DMD: variants seen among roughly 807,000 people sequenced by gnomAD.
DMD encodes the protein dystrophin, also known as mutant dystrophin.
A neutral mutation model predicts 330.1 loss-of-function variants in DMD; 63 were observed. That is an observed-to-expected ratio of 0.19 (90% confidence interval 0.16 to 0.24). The LOEUF (loss-of-function observed/expected upper bound fraction) is 0.24. DMD is among the 10% of genes least tolerant of loss of function. DMD has a pLI of 1.00. For synonymous variants in DMD, 1,223 were observed against 959.8 expected, an observed-to-expected ratio of 1.27 and a Z score of -5.07; for missense variants, 3,344 against 2,684.1, an observed-to-expected ratio of 1.25 and a Z score of -5.43.
At chrX:31,368,653 C>CT (rs776345514) in intron 60 of DMD, among the ~76,000 whole-genome samples, 5,273 of 106,094 alleles carry the variant, frequency 0.05, 105 homozygotes, top group Non-Finnish European at 0.063. Flanking sequence ...TCCCCCCGCC[C>CT]TTTTTTTTTT....
intron 1 of DMD, among the ~76,000 whole-genome samples, chrX:33,077,460 A>G (rs975098726): frequency 7.2e-5 from 8 of 111,188 alleles, no homozygotes; most frequent in African/African-American, 2.6e-4. Flanking sequence ...ACCCTAAGGT[A>G]TAGGCTATAA....
At chrX:32,312,235 G>T (rs2097565094) in intron 41 of DMD, among the ~76,000 whole-genome samples, 1 of 110,693 alleles carries the variant, frequency 9.0e-6, no homozygotes, top group Admixed American at 9.6e-5. Flanking sequence ...AAAAAATCTG[G>T]GTGGCCTTAA....
chrX:32,404,190 G>T (rs2098103883), intron 30 of DMD, among the ~76,000 whole-genome samples: 1 of 111,665 alleles, frequency 9.0e-6, no homozygotes, highest in East Asian at 2.8e-4. Context: ...TTCTTAAAGT[G>T]CATTTAACGT....
chrX:31,641,204 AAAAG>A (rs1282430354), intron 54 of DMD, among the ~76,000 whole-genome samples: 1 of 111,415 alleles, frequency 9.0e-6, no homozygotes, highest in African/African-American at 3.3e-5. Context: ...GGTAGAGATA[AAAAG>A]AAATAAGGAG....
At chrX:33,332,999 T>C (rs1335860495) in intron 1 of DMD, among the ~76,000 whole-genome samples, 1 of 110,967 alleles carries the variant, frequency 9.0e-6, no homozygotes, top group Admixed American at 9.7e-5. Flanking sequence ...TTCAATATTC[T>C]TACCCTTGGA....
chrX:32,199,062 G>A (rs753300767), intron 44 of DMD, among the ~76,000 whole-genome samples: 4 of 111,973 alleles, frequency 3.6e-5, no homozygotes, highest in Non-Finnish European at 5.6e-5. Context: ...ACGTATTGAC[G>A]TGCTTATTGT....
At chrX:32,691,617 A>T (rs1334912041) in intron 9 of DMD, among the ~76,000 whole-genome samples, 1 of 111,125 alleles carries the variant, frequency 9.0e-6, no homozygotes, top group Non-Finnish European at 1.9e-5. Context: ...CAAAAATTAA[A>T]AACAGAACTC....
chrX:32,066,756 T>C (rs772382678), intron 44 of DMD, among the ~76,000 whole-genome samples: 2 of 111,756 alleles, frequency 1.8e-5, no homozygotes, highest in South Asian at 3.7e-4. Flanking sequence ...GCTCATCATA[T>C]GGTGACTGGA....
intron 1 of DMD, among the ~76,000 whole-genome samples, chrX:33,156,299 G>C (rs1048525181): frequency 8.9e-6 from 1 of 111,966 alleles, no homozygotes; most frequent in African/African-American, 3.2e-5. Context: ...TTATTAAAAG[G>C]AATTCTTCAC....
chrX:31,928,671 T>C (rs2094813727), intron 47 of DMD, among the ~76,000 whole-genome samples: 1 of 111,378 alleles, frequency 9.0e-6, no homozygotes, highest in Non-Finnish European at 1.9e-5. Flanking sequence ...TAAATGCCAC[T>C]GAGCTGGACA....
At chrX:32,666,244 GTTTGT>G (rs2061296885) in intron 9 of DMD, among the ~76,000 whole-genome samples, 1 of 110,631 alleles carries the variant, frequency 9.0e-6, no homozygotes, top group African/African-American at 3.3e-5. Flanking sequence ...GAACGTGCAG[GTTTGT>G]TACATAAATA....
intron 2 of DMD, among the ~76,000 whole-genome samples, chrX:32,860,085 T>G (rs1199596776): frequency 9.0e-6 from 1 of 111,710 alleles, no homozygotes; most frequent in Non-Finnish European, 1.9e-5. Flanking sequence ...TCCTTCCAAA[T>G]CCTTTTTAGT....
chrX:32,693,876 G>A (rs192924068), intron 9 of DMD, among the ~76,000 whole-genome samples: 330 of 111,763 alleles, frequency 3.0e-3, no homozygotes, highest in African/African-American at 9.1e-3. Context: ...TATTAAAGGG[G>A]ATATAAACTA....
At chrX:32,135,414 G>T (rs1449615533) in intron 44 of DMD, among the ~76,000 whole-genome samples, 1 of 112,587 alleles carries the variant, frequency 8.9e-6, no homozygotes, top group Non-Finnish European at 1.9e-5. Context: ...TTATTGACAT[G>T]CATCTTTTAT....
At chrX:31,235,155 T>A (rs1444218825) in intron 63 of DMD, among the ~76,000 whole-genome samples, 1 of 111,934 alleles carries the variant, frequency 8.9e-6, no homozygotes, top group Non-Finnish European at 1.9e-5. Context: ...TGGCTGAAGT[T>A]TGATCAAGTA....
chrX:32,394,922 A>AAAC (rs1557326756), intron 30 of DMD, among the ~76,000 whole-genome samples: 28 of 22,320 alleles, frequency 1.3e-3, no homozygotes, highest in Admixed American at 4.2e-3. Context: ...AAAACAAAAA[A>AAAC]AAAAAAAAAA....
chrX:32,991,403 A>G lies in DMD; in HGVS notation c.93+28736T>C, dbSNP rs181804882. 1.3e-3 allele frequency among the ~76,000 whole-genome samples: 144 copies of G among 112,036 alleles called. 1 individual carries two copies. The East Asian group carries it at 0.035, about 27-fold the overall frequency. Reference sequence around the variant, plus strand: ...CTGAAGAGCTAAACCAGCATTGTCCATTAGAATTTTTGGTGGTGATAAAAA... The same window carrying G: ...CTGAAGAGCTAAACCAGCATTGTCCGTTAGAATTTTTGGTGGTGATAAAAA... On this transcript the variant is annotated intron_variant, in intron 2 of 78. Transcript: ENST00000357033.
At chrX:31,970,952 C>A (rs1200630765) in intron 44 of DMD, among the ~76,000 whole-genome samples, 1 of 111,613 alleles carries the variant, frequency 9.0e-6, no homozygotes, top group African/African-American at 3.3e-5. Flanking sequence ...GTGTCCAATA[C>A]TTACAACTAT....
At chrX:33,148,382 C>T (rs910447440) in intron 1 of DMD, among the ~76,000 whole-genome samples, 2 of 111,999 alleles carry the variant, frequency 1.8e-5, no homozygotes, top group African/African-American at 6.5e-5. Context: ...CACTTGACTG[C>T]CCATATTTTT....
Sources: gnomAD v4.1 joint callset for allele counts (sites outside exome capture counted in the v4.1 genomes callset) on GRCh38, gnomAD v4.1.1 for gene constraint, MANE v1.5 for transcripts, NCBI Gene and HGNC (gene_info 2026-07-23, HGNC 2026-07-21) for gene names.